The following DZIP1 variants were observed in gnomAD, a reference collection of about 807,000 sequenced individuals.
DZIP1 encodes DAZ interacting zinc finger protein 1.
In DZIP1, 97 loss-of-function variants were observed where a neutral mutation model predicts 107.6. The observed-to-expected ratio is 0.90, with a 90% CI of 0.77 to 1.07. The LOEUF (loss-of-function observed/expected upper bound fraction) is 1.07. Among genes scored for constraint, DZIP1 ranks in the 50% least tolerant of loss-of-function variants. DZIP1 has a pLI of 0.00. For synonymous variants in DZIP1, 390 were observed against 386.4 expected (o/e 1.01, Z -0.11); for missense variants, 1,035 against 1,063.6 (o/e 0.97, Z 0.37).
intron 13 of DZIP1, among the ~76,000 whole-genome samples, chr13:95,608,883 A>G (rs975148078): frequency 1.3e-5 from 2 of 152,246 alleles, no homozygotes; most frequent in African/African-American, 4.8e-5. Flanking sequence ...CACATGGCAC[A>G]GGTACCTGCC....
intron 6 of DZIP1, 46 bp from the exon 7 acceptor site, chr13:95,630,159 G>A (rs1169448148): frequency 6.3e-7 from 1 of 1,582,596 alleles, no homozygotes; most frequent in East Asian, 2.3e-5. Context: ...CTTACCAAAT[G>A]TACCTGGAAA....
intron 10 of DZIP1, among the ~76,000 whole-genome samples, chr13:95,617,703 G>A (rs1311723659): frequency 3.3e-5 from 5 of 151,952 alleles, no homozygotes; most frequent in African/African-American, 1.2e-4. Flanking sequence ...GTGGGGCGGG[G>A]GGGTCAGGCT....
At position 95,587,446 on chromosome 13, in the gene DZIP1, C is replaced by G; in HGVS notation, c.2218+93G>C. ...CCGCTGCATCTGTTCCTTGCACACC[C>G]TCCCAGCTCAGACTCCCAGTGCTCG... On this transcript the variant is annotated intron_variant, in intron 20 of 22. Transcript: ENST00000376829. 4 of 1,518,174 alleles carry G rather than the reference C, an allele frequency of 2.6e-6. No homozygotes were observed. In the South Asian group the frequency reaches 3.8e-5, roughly 15 times the overall value. 94.0% of individuals were successfully genotyped at this position (1,518,174 alleles called of 1,614,324 possible). A position where few individuals can be genotyped will look rare whatever the true frequency, so the allele number is the denominator to read the frequency against.
In DZIP1 at chr13:95,584,922, G is replaced by T. The variant is rs1243519610; in HGVS notation, c.2350-12C>A. The T allele has an allele frequency of 6.2e-7, 1 of 1,600,462 alleles. No individual in the cohort carries two copies. Among genetic ancestry groups the T allele is most frequent in the East Asian group, 2.2e-5 (1 of 44,724 alleles). ...TCCACATCCGCACACTAAAAGAAAG[G>T]CATGGAGAATAATTAATGTTGCTTA... On this transcript the variant is annotated splice_polypyrimidine_tract_variant and intron_variant, in intron 21 of 22. Coordinates refer to ENST00000376829, the MANE Select transcript of DZIP1 (RefSeq NM_198968.4).
At chr13:95,584,240 G>T (rs1055569006) in intron 22 of DZIP1, among the ~76,000 whole-genome samples, 15 of 150,096 alleles carry the variant, frequency 1.0e-4, no homozygotes, top group Non-Finnish European at 2.1e-4. Context: ...CTCCCAAAGT[G>T]CTGGGATTAC....
chr13:95,609,213 C>G (rs540766851), intron 13 of DZIP1, among the ~76,000 whole-genome samples: 42 of 152,286 alleles, frequency 2.8e-4, no homozygotes, highest in Non-Finnish European at 5.3e-4. Context: ...TTTTAGTCAT[C>G]CCTTTTTAGA....
At chr13:95,619,122 A>AT (rs1875501742) in intron 10 of DZIP1, among the ~76,000 whole-genome samples, 1 of 152,254 alleles carries the variant, frequency 6.6e-6, no homozygotes, top group South Asian at 2.1e-4. Context: ...TGAAGAAATG[A>AT]TTAAGTCACT....
At chr13:95,598,835 AATTATCTCCCAAC>A (rs1170565885) in intron 15 of DZIP1, among the ~76,000 whole-genome samples, 3 of 152,186 alleles carry the variant, frequency 2.0e-5, no homozygotes, top group Non-Finnish European at 4.4e-5. Context: ...AAGCAGTAAT[AATTATCTCCCAAC>A]ACCTGTAACA....
intron 7 of DZIP1, among the ~76,000 whole-genome samples, chr13:95,628,780 T>C (rs1002758930): frequency 6.6e-6 from 1 of 152,120 alleles, no homozygotes; most frequent in African/African-American, 2.4e-5. Context: ...AAGCCAATGA[T>C]GACAAAAAGA....
intron 13 of DZIP1, 41 bp from the exon 14 acceptor site, chr13:95,606,100 T>C (rs1465712883): frequency 1.2e-6 from 2 of 1,606,494 alleles, no homozygotes; most frequent in African/African-American, 2.7e-5. Context: ...GGTTCCATAA[T>C]TAAAGCATAA....
intron 22 of DZIP1, 115 bp from the exon 23 acceptor site, chr13:95,582,428 T>G (rs2044032955): frequency 3.4e-6 from 3 of 870,028 alleles, no homozygotes; most frequent in Non-Finnish European, 5.6e-6. Context: ...TGTCTAAATC[T>G]GTTCATGAAT....
rs138235667 is a variant in DZIP1 at position 95,621,924 on chromosome 13, A to G, written c.1110+419T>C. On this transcript the variant is annotated intron_variant, in intron 9 of 22. Coordinates refer to ENST00000376829, the MANE Select transcript of DZIP1 (RefSeq NM_198968.4). Reference sequence around the variant, plus strand: ...GCGGATCACCTGAGGTCAGGAGTTCAAGATCAGCCTGGCCAATATGGTGAA... The same window carrying G: ...GCGGATCACCTGAGGTCAGGAGTTCGAGATCAGCCTGGCCAATATGGTGAA... Among the ~76,000 whole-genome samples, 668 of 152,056 alleles carry G rather than the reference A, an allele frequency of 4.4e-3. 8 individuals are homozygous for G. Among genetic ancestry groups the G allele is most frequent in the African/African-American group, 0.015 (642 of 41,476 alleles).
chr13:95,625,010 CA>C, intron 7 of DZIP1, 81 bp from the exon 8 acceptor site: 1 of 1,271,986 alleles, frequency 7.9e-7, no homozygotes, highest in South Asian at 1.5e-5. Flanking sequence ...TTCATAGCAT[CA>C]CTTCAAAAAT....
chr13:95,588,303 A>G (rs1039233253), intron 19 of DZIP1, among the ~76,000 whole-genome samples: 1 of 152,246 alleles, frequency 6.6e-6, no homozygotes, highest in African/African-American at 2.4e-5. Context: ...CCAAGAAATA[A>G]TGCTCTTCCT....
At chr13:95,593,621 A>G (rs1181376973) in intron 16 of DZIP1, among the ~76,000 whole-genome samples, 1 of 152,256 alleles carries the variant, frequency 6.6e-6, no homozygotes, top group African/African-American at 2.4e-5. Flanking sequence ...CTGCCTAGAT[A>G]CAAACCCTGG....
At chr13:95,583,203 G>T (rs917417240) in intron 22 of DZIP1, among the ~76,000 whole-genome samples, 1 of 151,484 alleles carries the variant, frequency 6.6e-6, no homozygotes, top group Non-Finnish European at 1.5e-5. Flanking sequence ...GGGGTGGGAG[G>T]ATCATTTGAG....
chr13:95,633,431 C>T (rs1380218320), intron 5 of DZIP1, 110 bp from the exon 6 acceptor site: 1 of 902,908 alleles, frequency 1.1e-6, no homozygotes, highest in Non-Finnish European at 1.8e-6. Context: ...GCCTGTAATC[C>T]CAGCACTTTA....
chr13:95,619,843 T>TA, intron 10 of DZIP1, 42 bp downstream of exon 10: 1 of 1,584,176 alleles, frequency 6.3e-7, no homozygotes. Flanking sequence ...AATATTTCTT[T>TA]AAAAAATGGC....
intron 10 of DZIP1, among the ~76,000 whole-genome samples, chr13:95,614,152 T>C (rs1594698814): frequency 6.9e-6 from 1 of 144,020 alleles, no homozygotes; most frequent in African/African-American, 2.6e-5. Flanking sequence ...AAAAAAGCAG[T>C]GTCTTAGCAT....
Sources: gnomAD v4.1 joint callset for allele counts (sites outside exome capture counted in the v4.1 genomes callset) on GRCh38, gnomAD v4.1.1 for gene constraint, MANE v1.5 for transcripts, NCBI Gene and HGNC (gene_info 2026-07-23, HGNC 2026-07-21) for gene names.